The following ULK4 variants were observed in gnomAD, a reference collection of about 807,000 sequenced individuals.
ULK4 encodes the protein inactive serine/threonine-protein kinase ULK4.
Under a neutral mutation model 160.6 loss-of-function variants are expected in ULK4, and 133 were observed. The ratio of observed to expected loss-of-function variants is 0.83; its 90% CI spans 0.72 to 0.96. The LOEUF is 0.96. Ranked by LOEUF, ULK4 falls within the 40% of genes least tolerant of loss-of-function variation. The probability of loss-of-function intolerance (pLI) is 0.00; values close to 1 mark genes in which losing one functional copy is unlikely to be tolerated. For synonymous variants in ULK4, 534 were observed against 539.8 expected, an observed-to-expected ratio of 0.99 and a Z score of 0.15; for missense variants, 1,580 against 1,499.5, an observed-to-expected ratio of 1.05 and a Z score of -0.89.
chr3:41,954,528 T>G, intron 2 of ULK4, 94 bp downstream of exon 2: 7 of 1,399,298 alleles, frequency 5.0e-6, no homozygotes, highest in Non-Finnish European at 6.8e-6. Flanking sequence ...TGGCATTTGA[T>G]ATATCAAATT....
chr3:41,758,918 A>C (rs1416711156), intron 21 of ULK4, among the ~76,000 whole-genome samples: 2 of 152,190 alleles, frequency 1.3e-5, no homozygotes, highest in Non-Finnish European at 2.9e-5. Context: ...TAATTGATGA[A>C]ACAAGACAAA....
chr3:41,920,374 C>G (rs995927984), intron 5 of ULK4, among the ~76,000 whole-genome samples: 8 of 152,230 alleles, frequency 5.3e-5, no homozygotes, highest in Non-Finnish European at 1.2e-4. Flanking sequence ...GGAGAGGATG[C>G]AATCCTACCA....
rs762486204 is a variant in ULK4 at position 41,800,174 on chromosome 3, G to C, written c.1968C>G (p.Phe656Leu). ...TAAGAGAATCAGCAGTGGAGTGTCT[G>C]AATAGGTACCACAAAATGGGTCCTA... The part of the protein sequence containing the change: ...GEIGPILWYL[F>L]RHSTADSLRI... Residue 656 changes from phenylalanine to leucine, a missense_variant, in exon 20 of 37, where the codon TTC (phenylalanine) becomes TTG (leucine). By Grantham distance (22) the Phe-to-Leu change is conservative. Coordinates refer to ENST00000301831, the MANE Select transcript of ULK4 (RefSeq NM_017886.4). 4 of 1,613,802 alleles carry C rather than the reference G, an allele frequency of 2.5e-6. No homozygotes were observed. The highest frequency in any genetic ancestry group is 2.2e-5 in the East Asian group (1 of 44,860).
At chr3:41,294,362 C>T (rs1296090924) in intron 35 of ULK4, among the ~76,000 whole-genome samples, 3 of 152,296 alleles carry the variant, frequency 2.0e-5, no homozygotes, top group East Asian at 1.9e-4. Context: ...TTGGACTTCC[C>T]ACTCTATACA....
rs572186714 is a variant in ULK4, at chr3:41,739,716, G to A, written c.2321+14645C>T. 3.6e-4 allele frequency among the ~76,000 whole-genome samples: 54 copies of A among 152,000 alleles called. 1 individual carries two copies. Among genetic ancestry groups the A allele is most frequent in the African/African-American group, 1.3e-3 (52 of 41,316 alleles). On this transcript the variant is annotated intron_variant, in intron 22 of 36. Transcript: ENST00000301831. ...AATAATCAAGAGGACAAGATGACAT[G>A]TTTCTCCAAATGTCAACAAAGACTC...
chr3:41,311,333 A>T (rs115128569), intron 35 of ULK4, among the ~76,000 whole-genome samples: 260 of 152,294 alleles, frequency 1.7e-3, no homozygotes, highest in Non-Finnish European at 3.1e-3. Context: ...AGTGGACACC[A>T]TCTAATCAGC....
At chr3:41,806,919 A>G (rs1011559271) in intron 19 of ULK4, among the ~76,000 whole-genome samples, 1 of 152,114 alleles carries the variant, frequency 6.6e-6, no homozygotes, top group Non-Finnish European at 1.5e-5. Context: ...AGGCCATGGC[A>G]GGTGGATTGC....
At chr3:41,930,206 A>C (rs1306423029) in intron 5 of ULK4, among the ~76,000 whole-genome samples, 1 of 152,126 alleles carries the variant, frequency 6.6e-6, no homozygotes, top group African/African-American at 2.4e-5. Flanking sequence ...TCTTTGACAA[A>C]CCTGACAAAA....
chr3:41,863,721 G>A (rs897806604), intron 17 of ULK4, among the ~76,000 whole-genome samples: 1 of 151,834 alleles, frequency 6.6e-6, no homozygotes, highest in Admixed American at 6.6e-5. Flanking sequence ...TCTGGCCCAG[G>A]GTGTTCTAGA....
intron 16 of ULK4, among the ~76,000 whole-genome samples, chr3:41,889,209 C>A (rs1697830875): frequency 6.6e-6 from 1 of 151,910 alleles, no homozygotes; most frequent in Admixed American, 6.6e-5. Flanking sequence ...TAATGTTTAA[C>A]CTTTAATATT....
chr3:41,451,703 T>G (rs1334909707), intron 34 of ULK4, among the ~76,000 whole-genome samples: 1 of 152,022 alleles, frequency 6.6e-6, no homozygotes, highest in Non-Finnish European at 1.5e-5. Context: ...AGAAAAAAAG[T>G]GCTATATGAA....
chr3:41,281,757 C>T (rs966689440), intron 35 of ULK4, among the ~76,000 whole-genome samples: 14 of 152,218 alleles, frequency 9.2e-5, no homozygotes, highest in Non-Finnish European at 1.6e-4. Flanking sequence ...AGGATGCCCT[C>T]TCTCACCACT....
At chr3:41,309,756 C>A (rs909363829) in intron 35 of ULK4, among the ~76,000 whole-genome samples, 36 of 151,920 alleles carry the variant, frequency 2.4e-4, no homozygotes, top group Admixed American at 2.4e-3. Flanking sequence ...TCAGTAAAAA[C>A]CCTTCATGAA....
chr3:41,832,144 G>C (rs981913528), intron 18 of ULK4, among the ~76,000 whole-genome samples: 1 of 152,068 alleles, frequency 6.6e-6, no homozygotes, highest in East Asian at 1.9e-4. Context: ...TTGAACCAAT[G>C]TACATTCCCA....
intron 30 of ULK4, among the ~76,000 whole-genome samples, chr3:41,651,599 T>G (rs1325095738): frequency 6.6e-6 from 1 of 152,132 alleles, no homozygotes; most frequent in Non-Finnish European, 1.5e-5. Flanking sequence ...GGCAGAAAAA[T>G]GCCAACCTGA....
chr3:41,532,827 T>C (rs144297558), intron 32 of ULK4, among the ~76,000 whole-genome samples: 174 of 152,330 alleles, frequency 1.1e-3, no homozygotes, highest in Admixed American at 2.5e-3. Flanking sequence ...GAATGTCATG[T>C]AGAGTTCCGA....
At chr3:41,324,566 A>G (rs2080306922) in intron 35 of ULK4, among the ~76,000 whole-genome samples, 1 of 152,234 alleles carries the variant, frequency 6.6e-6, no homozygotes, top group African/African-American at 2.4e-5. Flanking sequence ...TGCCAATTAG[A>G]GAAGCAGGCA....
chr3:41,799,950 G>T (rs1354959082), intron 20 of ULK4, among the ~76,000 whole-genome samples, 182 bp downstream of exon 20: 1 of 152,030 alleles, frequency 6.6e-6, no homozygotes, highest in Non-Finnish European at 1.5e-5. Flanking sequence ...CAGTCTCAAG[G>T]TTTTCCAGTT....
At chr3:41,762,079 G>A (rs2039001301) in intron 21 of ULK4, among the ~76,000 whole-genome samples, 1 of 152,084 alleles carries the variant, frequency 6.6e-6, no homozygotes, top group African/African-American at 2.4e-5. Context: ...ATGAGACCCT[G>A]TCTCAGGGAA....
Sources: allele counts gnomAD v4.1 joint callset (sites outside exome capture counted in the v4.1 genomes callset), GRCh38; gene constraint gnomAD v4.1.1; transcripts MANE v1.5; gene names NCBI Gene and HGNC (gene_info 2026-07-23, HGNC 2026-07-21).